SNRPD1: variants seen among roughly 807,000 people sequenced by gnomAD.
The protein encoded by SNRPD1 is small nuclear ribonucleoprotein D1 polypeptide.
SNRPD1 carries 1 observed loss-of-function variant against 14.4 expected under a neutral mutation model. The ratio of observed to expected loss-of-function variants is 0.07; its 90% CI spans 0.02 to 0.33. SNRPD1 has a LOEUF of 0.33. Ranked by LOEUF, SNRPD1 falls within the 10% of genes least tolerant of loss-of-function variation. SNRPD1 has a pLI of 1.00. For synonymous variants in SNRPD1, 42 were observed against 50.3 expected (o/e 0.83, Z 0.70); for missense variants, 52 against 146.4 (o/e 0.36, Z 3.33).
At chr18:21,615,174 G>A (rs1160817961) in intron 1 of SNRPD1, among the ~76,000 whole-genome samples, 1 of 152,076 alleles carries the variant, frequency 6.6e-6, no homozygotes, top group Non-Finnish European at 1.5e-5. Context: ...TTTTGCCTGC[G>A]CTAGAATTTC....
chr18:21,622,929 AT>A (rs61664136), intron 2 of SNRPD1, 128 bp downstream of exon 2: 134,372 of 405,502 alleles, frequency 0.33, 10,019 homozygotes, highest in African/African-American at 0.55. Flanking sequence ...GAATTATGTA[AT>A]TTTTTTTTTT....
intron 1 of SNRPD1, among the ~76,000 whole-genome samples, chr18:21,617,325 T>A (rs2038964886): frequency 6.6e-6 from 1 of 151,986 alleles, no homozygotes; most frequent in African/African-American, 2.4e-5. Context: ...ATTAGCTGGT[T>A]GTGGTGGCGA....
Position 21,625,826 on chromosome 18 carries a change from G to T in SNRPD1, c.283+1887G>T, listed in dbSNP as rs372881160. Among the ~76,000 whole-genome samples the T allele has an allele frequency of 8.1e-4, 123 of 152,064 alleles. 2 individuals are homozygous for T. Among genetic ancestry groups the T allele is most frequent in the African/African-American group, 2.8e-3 (116 of 41,486 alleles). On this transcript the variant is annotated intron_variant, in intron 3 of 3. Transcript: ENST00000300413. ...GGGGTTTCACCGTGTTAGCCAAGCG[G>T]TCTCGATCTCCTGACCTCATGATCC...
chr18:21,625,303 T>G (rs958732191), intron 3 of SNRPD1, among the ~76,000 whole-genome samples: 7 of 132,894 alleles, frequency 5.3e-5, no homozygotes, highest in African/African-American at 2.1e-4. Flanking sequence ...TATTTAAAAT[T>G]TTGTTGAAAA....
chr18:21,613,119 T>C (rs1179274977), intron 1 of SNRPD1, among the ~76,000 whole-genome samples: 8 of 152,238 alleles, frequency 5.3e-5, no homozygotes, highest in Non-Finnish European at 1.2e-4. Context: ...GCAGAAATTA[T>C]CACAACGTAA....
At chr18:21,625,768 G>A (rs368511485) in intron 3 of SNRPD1, among the ~76,000 whole-genome samples, 3 of 151,924 alleles carry the variant, frequency 2.0e-5, no homozygotes, top group Non-Finnish European at 4.4e-5. Context: ...CTGCAACCAC[G>A]CCCGGCTAAT....
intron 1 of SNRPD1, among the ~76,000 whole-genome samples, chr18:21,619,470 C>T (rs1186920655): frequency 6.6e-6 from 1 of 151,616 alleles, no homozygotes; most frequent in Non-Finnish European, 1.5e-5. Context: ...GGATGAGCCA[C>T]CACACCTGGC....
At chr18:21,626,394 CAAAAAAAA>C (rs774960503) in intron 3 of SNRPD1, among the ~76,000 whole-genome samples, 2 of 51,086 alleles carry the variant, frequency 3.9e-5, no homozygotes, top group African/African-American at 7.4e-5. Flanking sequence ...ACCCTGTCGC[CAAAAAAAA>C]AAAAAAAAAA....
intron 1 of SNRPD1, among the ~76,000 whole-genome samples, chr18:21,612,849 A>G (rs1382005117): frequency 6.6e-6 from 1 of 152,212 alleles, no homozygotes; most frequent in Non-Finnish European, 1.5e-5. Flanking sequence ...AAATCAGAGA[A>G]GGACTTCCGG....
chr18:21,612,999 G>C (rs1393063326), intron 1 of SNRPD1, among the ~76,000 whole-genome samples: 1 of 152,054 alleles, frequency 6.6e-6, no homozygotes, highest in Admixed American at 6.6e-5. Context: ...CACCGTGCCC[G>C]GCCGATTTTT....
At chr18:21,624,413 C>T (rs1471621223) in intron 3 of SNRPD1, among the ~76,000 whole-genome samples, 2 of 148,234 alleles carry the variant, frequency 1.3e-5, no homozygotes, top group Non-Finnish European at 3.0e-5. Flanking sequence ...TCGATGTGGT[C>T]GGGCAGGGTG....
At chr18:21,626,325 T>G (rs2039037961) in intron 3 of SNRPD1, among the ~76,000 whole-genome samples, 1 of 127,606 alleles carries the variant, frequency 7.8e-6, no homozygotes, top group African/African-American at 3.1e-5. Context: ...ACCCAGAAAA[T>G]GGAGGCTCCG....
At chr18:21,614,553 G>C (rs558958720) in intron 1 of SNRPD1, among the ~76,000 whole-genome samples, 6 of 152,072 alleles carry the variant, frequency 3.9e-5, no homozygotes, top group African/African-American at 1.4e-4. Flanking sequence ...ATTTATTTCT[G>C]TATCTCAGTT....
intron 1 of SNRPD1, among the ~76,000 whole-genome samples, chr18:21,618,239 A>G (rs1037724552): frequency 6.6e-5 from 10 of 152,080 alleles, no homozygotes; most frequent in Non-Finnish European, 1.3e-4. Flanking sequence ...TCTAGGCAAC[A>G]TGGCAAAACC....
chr18:21,617,477 C>G (rs906053153), intron 1 of SNRPD1, among the ~76,000 whole-genome samples: 1 of 152,162 alleles, frequency 6.6e-6, no homozygotes, highest in African/African-American at 2.4e-5. Context: ...CTGCTCTAGT[C>G]ACATAATTTG....
At chr18:21,626,984 T>TAA (rs929799395) in intron 3 of SNRPD1, among the ~76,000 whole-genome samples, 3 of 136,898 alleles carry the variant, frequency 2.2e-5, no homozygotes, top group African/African-American at 5.4e-5. Context: ...TTTCTTTCTT[T>TAA]AAAAAAAAAA....
intron 1 of SNRPD1, among the ~76,000 whole-genome samples, chr18:21,620,258 A>C (rs2038988010): frequency 6.6e-6 from 1 of 151,614 alleles, no homozygotes; most frequent in East Asian, 1.9e-4. Flanking sequence ...CCGGCCAACT[A>C]ATTTTTTTTT....
At chr18:21,625,563 G>A (rs1340402051) in intron 3 of SNRPD1, among the ~76,000 whole-genome samples, 2 of 151,818 alleles carry the variant, frequency 1.3e-5, no homozygotes, top group Non-Finnish European at 2.9e-5. Context: ...TGATCCACCC[G>A]CCTCGGCCTT....
At chr18:21,625,315 A>ATTTTTTTTTTTTTTTTTTTT (rs748864232) in intron 3 of SNRPD1, among the ~76,000 whole-genome samples, 1 of 98,260 alleles carries the variant, frequency 1.0e-5, no homozygotes, top group Non-Finnish European at 1.7e-5. Flanking sequence ...TGTTGAAAAA[A>ATTTTTTTTTTTTTTTTTTTT]ATTTTTTTTT....
Sources: gnomAD v4.1 joint callset for allele counts (sites outside exome capture counted in the v4.1 genomes callset) on GRCh38, gnomAD v4.1.1 for gene constraint, MANE v1.5 for transcripts, NCBI Gene and HGNC (gene_info 2026-07-23, HGNC 2026-07-21) for gene names.